The following SPTA1 variants were observed in gnomAD, a reference collection of about 807,000 sequenced individuals.
The protein encoded by SPTA1 is spectrin alpha, erythrocytic 1, also known as spectrin alpha chain, erythrocytic 1.
A neutral mutation model predicts 324.7 loss-of-function variants in SPTA1; 177 were observed. That is an observed-to-expected ratio of 0.55 (90% CI 0.48 to 0.62). The LOEUF is 0.62. Ranked by LOEUF, SPTA1 falls within the 20% of genes least tolerant of loss-of-function variation. The pLI is 0.00. For missense variants in SPTA1, 3,162 were observed against 2,883.6 expected (o/e 1.10, Z -2.21); for synonymous variants, 1,195 against 1,041.3 (o/e 1.15, Z -2.84).
At chr1:158,634,819 A>G in intron 38 of SPTA1, 144 bp from the exon 39 acceptor site, 1 of 884,632 alleles carries the variant, frequency 1.1e-6, no homozygotes, top group South Asian at 1.4e-5. Context: ...ACACAGTATA[A>G]TAGGTGCCTA....
chr1:158,668,418 A>G (rs972303663), intron 14 of SPTA1, among the ~76,000 whole-genome samples: 1 of 152,178 alleles, frequency 6.6e-6, no homozygotes, highest in African/African-American at 2.4e-5. Flanking sequence ...TTTGACCCAT[A>G]TAGAGATCTG....
intron 35 of SPTA1, chr1:158,639,313 T>A: frequency 2.1e-6 from 1 of 476,112 alleles, no homozygotes; most frequent in Non-Finnish European, 3.8e-6. Flanking sequence ...TTGGCTTATA[T>A]GTATGCATCA....
chr1:158,679,710 G>T (rs939126164), intron 5 of SPTA1, among the ~76,000 whole-genome samples: 2 of 152,084 alleles, frequency 1.3e-5, no homozygotes, highest in Admixed American at 1.3e-4. Context: ...CAGCAGAGCA[G>T]CTCAATCATC....
Position 158,611,252 on chromosome 1 carries a change from A to G in SPTA1, c.*12T>C. 1 of 1,613,344 alleles carries G rather than the reference A, an allele frequency of 6.2e-7. No homozygotes were observed. Among genetic ancestry groups the G allele is most frequent in the Non-Finnish European group, 8.5e-7 (1 of 1,179,542 alleles). ...ACACTAAGATTTTCTACGATCCACG[A>G]GGAGCTGCTTATTAGTTGCCAAAGT... On this transcript the variant is annotated 3_prime_UTR_variant, in exon 52 of 52. Coordinates refer to ENST00000643759, the MANE Select transcript of SPTA1 (RefSeq NM_003126.4).
At chr1:158,653,454 C>T (rs770597588) in intron 21 of SPTA1, 29 bp from the exon 22 acceptor site, 2 of 1,613,286 alleles carry the variant, frequency 1.2e-6, no homozygotes, top group Non-Finnish European at 1.7e-6. Context: ...CCCACTCCGT[C>T]ATTAATTCTT....
At chr1:158,662,569 C>G in intron 17 of SPTA1, 133 bp downstream of exon 17, 1 of 1,253,772 alleles carries the variant, frequency 8.0e-7, no homozygotes, top group Non-Finnish European at 1.1e-6. Context: ...AAGGACTGGA[C>G]AAATTTTCAT....
chr1:158,617,006 T>C (rs997896743), intron 47 of SPTA1, among the ~76,000 whole-genome samples: 1 of 151,292 alleles, frequency 6.6e-6, no homozygotes, highest in African/African-American at 2.4e-5. Context: ...AAAAATTAAA[T>C]GTCATTACTT....
At position 158,612,641 on chromosome 1, in the gene SPTA1, T is replaced by C; in HGVS notation, c.7134+176A>G. 3 of 676,252 alleles carry C rather than the reference T, an allele frequency of 4.4e-6. No individual in the cohort carries two copies. In the South Asian group the frequency reaches 5.2e-5, roughly 12 times the overall value. The allele number at this position is 676,252 out of a possible 1,614,324, so 41.9% of individuals were successfully genotyped here. On this transcript the variant is annotated intron_variant, in intron 51 of 51. Transcript: ENST00000643759. ...TCAATAGAGTACCACAGTACGTTTT[T>C]GAGTTGGGTCAAGACAAAATGAAGT...
chr1:158,651,771 C>T (rs892773109), intron 23 of SPTA1, among the ~76,000 whole-genome samples: 2 of 152,144 alleles, frequency 1.3e-5, no homozygotes, highest in Admixed American at 6.6e-5. Context: ...GATACCTGAG[C>T]TGTGTAACAT....
At position 158,678,262 on chromosome 1, in the gene SPTA1, C is replaced by T. The variant is rs146882219; in HGVS notation, c.812+139G>A. The T allele has an allele frequency of 3.7e-4, 435 of 1,187,420 alleles. 3 individuals are homozygous for T. The African/African-American group carries it at 4.0e-3, about 11-fold the overall frequency. The allele number at this position is 1,187,420 out of a possible 1,614,324, so 73.6% of individuals were successfully genotyped here. A position where few individuals can be genotyped will look rare whatever the true frequency, so the allele number is the denominator to read the frequency against. ...TTTCTTTACCTTCTCCTTTGCTGTC[C>T]CAAAGGCAAGTACATGATCCACTTT... On this transcript the variant is annotated intron_variant, in intron 6 of 51. Transcript: ENST00000643759.
Position 158,662,879 on chromosome 1 carries a change from C to A in SPTA1, c.2287G>T (p.Asp763Tyr), listed in dbSNP as rs756005926. ...FEEIGHPDSK[D>Y]IRARQESLVC... ...AAGGACTCTTGCCTTGCCCTTATAT[C>A]CTTAGAATCAGGATGGCCTATTTCT... Residue 763 changes from aspartate to tyrosine, a missense_variant, in exon 17 of 52, where the codon GAT (aspartate) becomes TAT (tyrosine). Coordinates refer to ENST00000643759, the MANE Select transcript of SPTA1 (RefSeq NM_003126.4). 3 of 1,613,978 alleles carry A rather than the reference C, an allele frequency of 1.9e-6. No individual in the cohort carries two copies. The highest frequency in any genetic ancestry group is 2.5e-6 in the Non-Finnish European group (3 of 1,179,994).
In SPTA1 at chr1:158,674,555, C is replaced by A; in HGVS notation, c.1233G>T (p.Arg411Ser). 1 of 1,614,126 alleles carries A rather than the reference C, an allele frequency of 6.2e-7. No homozygotes were observed. Among genetic ancestry groups the A allele is most frequent in the Non-Finnish European group, 8.5e-7 (1 of 1,179,984 alleles). ...TCTTCTCTACCTTATGCTGCTGATGCCTGTCCAGCAGAACTTCTCCACCAG... is the reference window on the plus strand; with the variant it reads ...TCTTCTCTACCTTATGCTGCTGATGACTGTCCAGCAGAACTTCTCCACCAG... ...DVAGGEVLLD[R>S]HQQHKHEIDS... The change falls in exon 9 of 52, where the codon AGG becomes AGT. Residue 411 changes from arginine to serine, a missense_variant. Transcript: ENST00000643759.
intron 43 of SPTA1, 189 bp from the exon 44 acceptor site, chr1:158,620,655 G>C: frequency 1.6e-6 from 1 of 613,558 alleles, no homozygotes; most frequent in Non-Finnish European, 2.7e-6. Flanking sequence ...TACGAGCCCT[G>C]GTTCTGGCAT....
chr1:158,630,035 G>A (rs1315407361), intron 39 of SPTA1, among the ~76,000 whole-genome samples: 2 of 151,898 alleles, frequency 1.3e-5, no homozygotes, highest in Non-Finnish European at 2.9e-5. Flanking sequence ...TGTGTTCATG[G>A]ATTAGAAGAT....
chr1:158,626,268 T>A, intron 41 of SPTA1, 46 bp from the exon 42 acceptor site: 1 of 1,577,264 alleles, frequency 6.3e-7, no homozygotes, highest in Non-Finnish European at 8.7e-7. Flanking sequence ...TTGGTCTTGT[T>A]TGAGTCCTGG....
rs1649763063 is a variant in SPTA1, at chr1:158,619,319, G to A, written c.6433C>T (p.Leu2145=). ...SDIIEEREQE[L]QKEEARQVKN... ...ACCTGTCTTGCCTCTTCCTTTTGCAGCTCCTGCTCCCGTTCCTAAAACCCC... is the reference window on the plus strand; with the variant it reads ...ACCTGTCTTGCCTCTTCCTTTTGCAACTCCTGCTCCCGTTCCTAAAACCCC... Residue 2145 remains leucine, a synonymous_variant, in exon 45 of 52, where the codon CTG becomes TTG. Coordinates refer to ENST00000643759, the MANE Select transcript of SPTA1 (RefSeq NM_003126.4). 6.2e-7 allele frequency: 1 copy of A among 1,614,096 alleles called. No individual in the cohort carries two copies. Among genetic ancestry groups the A allele is most frequent in the Non-Finnish European group, 8.5e-7 (1 of 1,179,972 alleles).
rs558048328 is a variant in SPTA1, at chr1:158,678,643, C to G, written c.679-109G>C. On this transcript the variant is annotated intron_variant, in intron 5 of 51. Coordinates refer to ENST00000643759, the MANE Select transcript of SPTA1 (RefSeq NM_003126.4). The stretch of plus-strand genomic sequence containing the variant: ...GTTCATACTTTTACAGAAGTGAAAA[C>G]TGACCATTGTAGCCAGACACTGAAC... The G allele has an allele frequency of 5.2e-4, 703 of 1,345,698 alleles. 2 individuals carry two copies. The Middle Eastern group carries it at 0.01, about 20-fold the overall frequency. The allele number at this position is 1,345,698 out of a possible 1,614,324, so 83.4% of individuals were successfully genotyped here. A position where few individuals can be genotyped will look rare whatever the true frequency, so the allele number is the denominator to read the frequency against.
chr1:158,617,474 G>T, intron 47 of SPTA1, 63 bp downstream of exon 47: 1 of 1,415,804 alleles, frequency 7.1e-7, no homozygotes, highest in South Asian at 1.2e-5. Context: ...TCCCTTAGGT[G>T]ATTATTTTTA....
In SPTA1 at chr1:158,642,483, C is replaced by A. The variant is rs568168514; in HGVS notation, c.4665G>T (p.Val1555=). 2 of 1,613,774 alleles carry A rather than the reference C, an allele frequency of 1.2e-6. No homozygotes were observed. The highest frequency in any genetic ancestry group is 1.1e-5 in the South Asian group (1 of 91,070). ...AGTTCCCCAGGTTGATGACGCCATG[C>A]ACCTGCTCAGATCGGCCATCGACTT... ...AHEVDGRSEQ[V]HGVINLGNSL... is the part of the protein sequence containing the mutation. Residue 1555 remains valine, a synonymous_variant, in exon 33 of 52, where the codon GTG becomes GTT. Coordinates refer to ENST00000643759, the MANE Select transcript of SPTA1 (RefSeq NM_003126.4).
Sources: allele counts gnomAD v4.1 joint callset (sites outside exome capture counted in the v4.1 genomes callset), GRCh38; gene constraint gnomAD v4.1.1; transcripts MANE v1.5; gene names NCBI Gene and HGNC (gene_info 2026-07-23, HGNC 2026-07-21).